Variants in SYN1 observed in about 807,000 individuals in gnomAD.
SYN1 encodes synapsin I, also known as synapsin-1.
Under a neutral mutation model 44.6 loss-of-function variants are expected in SYN1, and 8 were observed. The ratio of observed to expected loss-of-function variants is 0.18; its 90% CI spans 0.11 to 0.32. The LOEUF is 0.32. Among genes scored for constraint, SYN1 ranks in the 10% least tolerant of loss-of-function variants. SYN1 has a pLI of 1.00. For synonymous variants in SYN1, 275 were observed against 280.1 expected, an observed-to-expected ratio of 0.98 and a Z score of 0.18; for missense variants, 451 against 639.4, an observed-to-expected ratio of 0.71 and a Z score of 3.18.
intron 5 of SYN1, chrX:47,586,031 T>C: frequency 1.0e-6 from 1 of 979,600 alleles, no homozygotes; most frequent in Non-Finnish European, 1.3e-6. Context: ...CCACTGACCC[T>C]TCCTCAGCAC....
intron 3 of SYN1, 60 bp downstream of exon 3, chrX:47,606,885 G>A (rs1181510925): frequency 9.1e-7 from 1 of 1,099,592 alleles, no homozygotes. Flanking sequence ...CTTTCCCCCA[G>A]CTCTAAGGGA....
intron 1 of SYN1, among the ~76,000 whole-genome samples, chrX:47,613,734 C>T (rs1211420117): frequency 1.8e-5 from 2 of 111,361 alleles, no homozygotes; most frequent in Admixed American, 1.9e-4. Context: ...GATGGTATTA[C>T]ACACCACGCC....
At position 47,577,487 on chromosome X, in the gene SYN1, C is replaced by A. The variant is rs754541700; in HGVS notation, c.789G>T (p.Thr263=). 1 of 1,205,264 alleles carries A rather than the reference C, an allele frequency of 8.3e-7. No individual in the cohort carries two copies. The highest frequency in any genetic ancestry group is 2.3e-4 in the Middle Eastern group (1 of 4,343). The part of the protein sequence containing the change: ...PNHKEMLSST[T]YPVVVKMGHA... Reference sequence around the variant, plus strand: ...GCCCCATCTTCACAACCACGGGGTACGTTGTACTGCTGAGCTGGTGGGGAA... The same window carrying A: ...GCCCCATCTTCACAACCACGGGGTAAGTTGTACTGCTGAGCTGGTGGGGAA... The change falls in exon 6 of 13, where the codon ACG becomes ACT. Residue 263 remains threonine (T), a synonymous_variant. Coordinates refer to ENST00000295987, the MANE Select transcript of SYN1 (RefSeq NM_006950.3).
intron 3 of SYN1, among the ~76,000 whole-genome samples, chrX:47,606,018 G>A (rs1007940050): frequency 6.4e-5 from 7 of 109,172 alleles, no homozygotes; most frequent in Non-Finnish European, 9.5e-5. Flanking sequence ...TCAGCCTCCC[G>A]AGTAGCTGGG....
At chrX:47,596,250 T>A (rs1239684607) in intron 5 of SYN1, among the ~76,000 whole-genome samples, 1 of 112,538 alleles carries the variant, frequency 8.9e-6, no homozygotes, top group Non-Finnish European at 1.9e-5. Context: ...CAGAAACAAT[T>A]AGCAGCAACT....
At chrX:47,579,415 G>A (rs777218793) in intron 5 of SYN1, among the ~76,000 whole-genome samples, 13 of 110,797 alleles carry the variant, frequency 1.2e-4, no homozygotes, top group Non-Finnish European at 2.1e-4. Context: ...ACCTCTCCCT[G>A]AGCCTCAGTT....
Position 47,605,311 on chromosome X carries a change from C to T in SYN1, c.596G>A (p.Arg199His). The T allele has an allele frequency of 1.7e-6, 2 of 1,210,647 alleles. No individual in the cohort carries two copies. The highest frequency in any genetic ancestry group is 1.1e-6 in the Non-Finnish European group (1 of 894,969). The change falls in exon 4 of 13, where the codon CGC becomes CAC. Residue 199 changes from arginine to histidine, a missense_variant. This residue lies in a region of SYN1 where 315 missense variants were observed against 451.4 expected (regional missense o/e 0.70). Coordinates refer to ENST00000295987, the MANE Select transcript of SYN1 (RefSeq NM_006950.3). ...ATACTGCAGCCCAATGACCAAACTG[C>T]GGTAGTCTCCGTTGCGTGCCATGCT... ...AFSMARNGDY[R>H]SLVIGLQYAG...
At chrX:47,579,403 C>T (rs2057788467) in intron 5 of SYN1, among the ~76,000 whole-genome samples, 1 of 111,084 alleles carries the variant, frequency 9.0e-6, no homozygotes, top group Non-Finnish European at 1.9e-5. Context: ...ATGAAGGACA[C>T]AACCTCTCCC....
chrX:47,605,377 G>A lies in SYN1; in HGVS notation c.530C>T (p.Ser177Phe). 2 of 1,211,126 alleles carry A rather than the reference G, an allele frequency of 1.7e-6. No homozygotes were observed. The change falls in exon 4 of 13, where the codon TCT becomes TTT. Residue 177 changes from serine to phenylalanine, a missense_variant and splice_region_variant. Transcript: ENST00000295987. ...VLRNGVKVVR[S>F]LKPDFVLIRQ... ...GATCAGCACAAAATCCGGCTTCAGA[G>A]ACCTAGTGTGGCAGGGGTAGGAGTG...
chrX:47,585,312 CGAG>C, intron 5 of SYN1: 1 of 1,211,739 alleles, frequency 8.3e-7, no homozygotes, highest in Non-Finnish European at 1.1e-6. Flanking sequence ...ACAACCGCAG[CGAG>C]GAGTTTCTCA....
intron 3 of SYN1, 126 bp downstream of exon 3, chrX:47,606,818 TC>T: frequency 1.5e-6 from 1 of 649,422 alleles, no homozygotes; most frequent in Non-Finnish European, 2.4e-6. Context: ...AAAAGTTGTC[TC>T]CCCACATTCC....
Position 47,572,908 on chromosome X carries a change from T to G in SYN1, c.2074A>C (p.Ile692Leu). 8.3e-7 allele frequency: 1 copy of G among 1,211,734 alleles called. No individual in the cohort carries two copies. Among genetic ancestry groups the G allele is most frequent in the Non-Finnish European group, 1.1e-6 (1 of 895,519 alleles). The change falls in exon 13 of 13, where the codon ATC becomes CTC. Residue 692 changes from isoleucine to leucine, a missense_variant. By Grantham distance (5) the Ile-to-Leu change is conservative. Around this residue, in one of 3 missense-constraint regions of SYN1, gnomAD observed 127 missense variants for 154.8 expected, o/e 0.82. Transcript: ENST00000295987. ...GCGAAAGACTTCCTCAGGCTGCGGA[T>G]GGTCTCAGCTTTCACCTCGTCCTGG... Reference protein sequence around the residue: ...LSQDEVKAETIRSLRKSFASL... With the variant: ...LSQDEVKAETLRSLRKSFASL...
At chrX:47,589,294 CAAA>C (rs147024653) in intron 5 of SYN1, among the ~76,000 whole-genome samples, 2 of 59,937 alleles carry the variant, frequency 3.3e-5, no homozygotes, top group African/African-American at 6.5e-5. Context: ...AAGACTGTCT[CAAA>C]AAAAAAAAAA....
intron 5 of SYN1, chrX:47,585,912 T>G: frequency 1.8e-6 from 2 of 1,115,517 alleles, no homozygotes; most frequent in Non-Finnish European, 2.4e-6. Flanking sequence ...GTCCCTCTAA[T>G]TCTCCCTTGT....
intron 1 of SYN1, among the ~76,000 whole-genome samples, chrX:47,611,958 C>T (rs907820904): frequency 1.8e-5 from 2 of 111,689 alleles, no homozygotes; most frequent in Admixed American, 1.9e-4. Flanking sequence ...CAGCATGTCC[C>T]CCACACACAA....
chrX:47,585,842 C>T (rs1412882295), intron 5 of SYN1: 4 of 1,145,667 alleles, frequency 3.5e-6, no homozygotes, highest in Non-Finnish European at 4.6e-6. Flanking sequence ...TGCTCCCTTA[C>T]AAATTCTGGC....
At chrX:47,584,051 T>C (rs112574676) in intron 5 of SYN1, among the ~76,000 whole-genome samples, 1,324 of 110,797 alleles carry the variant, frequency 0.012, 19 homozygotes, top group African/African-American at 0.041. Flanking sequence ...TGAGGGTCTG[T>C]GGGTGGAAAT....
At position 47,574,023 on chromosome X, in the gene SYN1, C is replaced by T. The variant is rs749342768; in HGVS notation, c.1961G>A (p.Gly654Glu). The change falls in exon 12 of 13, where the codon GGA (glycine) becomes GAA (glutamate). Residue 654 changes from glycine to glutamate, a missense_variant. Gly to Glu is a moderately conservative substitution (Grantham distance 98). Transcript: ENST00000295987. ...TTACTTGAGCTGGGGGTGCGGAGGTCCCCCTGCAGCGGCGGTGGCGGGTGG... is the reference window on the plus strand; with the variant it reads ...TTACTTGAGCTGGGGGTGCGGAGGTTCCCCTGCAGCGGCGGTGGCGGGTGG... ...VPPPATAAAGGPPHPQLNKSQ... is the reference protein window; with the variant it reads ...VPPPATAAAGEPPHPQLNKSQ... The T allele has an allele frequency of 8.7e-6, 10 of 1,146,915 alleles. No homozygotes were observed. In the African/African-American group the frequency reaches 1.5e-4, roughly 17 times the overall value. 94.5% of individuals were successfully genotyped at this position (1,146,915 alleles called of 1,213,427 possible). A position where few individuals can be genotyped will look rare whatever the true frequency, so the allele number is the denominator to read the frequency against.
At chrX:47,605,476 A>G (rs973905287) in intron 3 of SYN1, 97 bp from the exon 4 acceptor site, 2 of 1,064,442 alleles carry the variant, frequency 1.9e-6, no homozygotes, top group Admixed American at 5.1e-5. Flanking sequence ...TAGCTCCCAG[A>G]AATTGCAAAG....
Sources: gnomAD v4.1 joint callset for allele counts (sites outside exome capture counted in the v4.1 genomes callset) on GRCh38, gnomAD v4.1.1 for gene constraint, gnomAD v4.1.1 regional missense constraint, MANE v1.5 for transcripts, NCBI Gene and HGNC (gene_info 2026-07-23, HGNC 2026-07-21) for gene names.